The following TEX29 variants were observed in gnomAD, a reference collection of about 807,000 sequenced individuals.
TEX29 encodes testis-expressed protein 29.
A neutral mutation model predicts 18.2 loss-of-function variants in TEX29; 26 were observed. That is an observed-to-expected ratio of 1.43 (90% CI 1.04 to 1.98). The LOEUF (loss-of-function observed/expected upper bound fraction) is 1.98, where lower values mean the gene tolerates loss of function less well. Among genes scored for constraint, TEX29 ranks in the 30% most tolerant of loss-of-function variants. The pLI is 0.00. For missense variants in TEX29, 177 were observed against 194.2 expected, an observed-to-expected ratio of 0.91 and a Z score of 0.53; for synonymous variants, 83 against 78.5, an observed-to-expected ratio of 1.06 and a Z score of -0.31.
intron 2 of TEX29, among the ~76,000 whole-genome samples, chr13:111,326,733 G>T (rs536051499): frequency 6.6e-6 from 1 of 150,816 alleles, no homozygotes; most frequent in Admixed American, 6.6e-5. Context: ...ACTGCGGGCA[G>T]TGCGATCCTG....
upstream of TEX29, among the ~76,000 whole-genome samples, chr13:111,317,743 G>A (rs560947951): frequency 3.9e-4 from 59 of 152,302 alleles, no homozygotes; most frequent in Non-Finnish European, 7.6e-4. Flanking sequence ...GACGTGGGCC[G>A]AGGGTTCTGG....
upstream of TEX29, chr13:111,320,627 C>T: frequency 1.8e-6 from 1 of 557,452 alleles, no homozygotes. Flanking sequence ...TGTGCCCAGC[C>T]TGGTCCCACA....
chr13:111,342,641 A>G (rs2093698389), intron 4 of TEX29, 115 bp from the exon 5 acceptor site: 1 of 905,624 alleles, frequency 1.1e-6, no homozygotes, highest in Admixed American at 2.8e-5. Flanking sequence ...AAAAATAAGT[A>G]TGCATGATCA....
upstream of TEX29, among the ~76,000 whole-genome samples, chr13:111,319,692 A>G (rs1448015506): frequency 1.3e-5 from 2 of 152,116 alleles, no homozygotes; most frequent in African/African-American, 4.8e-5. Context: ...CAGTGGTGCA[A>G]TCACAGCTCA....
chr13:111,339,461 C>T (rs1381243503), intron 3 of TEX29: 1 of 420,740 alleles, frequency 2.4e-6, no homozygotes, highest in Non-Finnish European at 4.7e-6. Context: ...CGCCATCTCT[C>T]AGCACAACCC....
At chr13:111,316,864 GA>G (rs1448222435), upstream of TEX29, among the ~76,000 whole-genome samples, 3 of 152,176 alleles carry the variant, frequency 2.0e-5, no homozygotes, top group Non-Finnish European at 4.4e-5. Flanking sequence ...GAGGCCTCAG[GA>G]AACTTACAAT....
chr13:111,330,305 T>C (rs1008946473), intron 3 of TEX29, among the ~76,000 whole-genome samples: 3 of 152,032 alleles, frequency 2.0e-5, no homozygotes, highest in African/African-American at 2.4e-5. Flanking sequence ...CCAGAGAGGG[T>C]GTCTGTCCTG....
chr13:111,316,957 G>GCT (rs201347791), upstream of TEX29, among the ~76,000 whole-genome samples: 392 of 152,188 alleles, frequency 2.6e-3, 1 homozygote, highest in East Asian at 0.012. Context: ...AAAACCATCA[G>GCT]CTGTATCATG....
At chr13:111,328,144 T>G in intron 2 of TEX29, 39 bp from the exon 3 acceptor site, 1 of 1,410,460 alleles carries the variant, frequency 7.1e-7, no homozygotes, top group African/African-American at 1.4e-5. Flanking sequence ...GTGGCTTTGT[T>G]TTCGGGGGTG....
At chr13:111,331,551 T>C (rs558425261) in intron 3 of TEX29, among the ~76,000 whole-genome samples, 10 of 152,304 alleles carry the variant, frequency 6.6e-5, no homozygotes, top group African/African-American at 2.4e-4. Context: ...CACAAATATT[T>C]TTAATTTTTA....
At chr13:111,343,960 G>A (rs1566323144) in intron 5 of TEX29, 123 bp from the exon 6 acceptor site, 2 of 794,296 alleles carry the variant, frequency 2.5e-6, no homozygotes, top group Non-Finnish European at 4.3e-6. Flanking sequence ...CCCAAAACTG[G>A]CTTTTGAATC....
At position 111,344,144 on chromosome 13, in the gene TEX29, G is replaced by C; in HGVS notation, c.*21G>C. On this transcript the variant is annotated 3_prime_UTR_variant, in exon 6 of 6. Coordinates refer to ENST00000283547, the MANE Select transcript of TEX29 (RefSeq NM_152324.3). The stretch of plus-strand genomic sequence containing the variant: ...ACTGACTGAGACGCATGAAGAAGTG[G>C]AGATTGTCAGAATTATCCAAATGAA... 6.2e-7 allele frequency: 1 copy of C among 1,607,944 alleles called. No individual in the cohort carries two copies. The highest frequency in any genetic ancestry group is 1.1e-5 in the South Asian group (1 of 90,816).
chr13:111,320,650 C>T lies in TEX29; in HGVS notation c.-147C>T, dbSNP rs114043482. The T allele has an allele frequency of 2.2e-3, 1,250 of 581,012 alleles. 9 individuals are homozygous for T. The highest frequency in any genetic ancestry group is 0.019 in the African/African-American group (990 of 53,446). 36.0% of individuals were successfully genotyped at this position (581,012 alleles called of 1,614,324 possible). A position where few individuals can be genotyped will look rare whatever the true frequency, so the allele number is the denominator to read the frequency against. On this transcript the variant is annotated 5_prime_UTR_variant, in exon 1 of 6. Coordinates refer to ENST00000283547, the MANE Select transcript of TEX29 (RefSeq NM_152324.3). ...GCCTGGTCCCACAGTCCATAGTGAGCGGCAGACAGAGGGGTGGCCAGTTTG... is the reference window on the plus strand; with the variant it reads ...GCCTGGTCCCACAGTCCATAGTGAGTGGCAGACAGAGGGGTGGCCAGTTTG...
chr13:111,320,987 G>GGGGGGGGGGGGA, intron 2 of TEX29, 39 bp downstream of exon 2: 5 of 492,110 alleles, frequency 1.0e-5, no homozygotes, highest in Non-Finnish European at 1.9e-5. Flanking sequence ...GTGGGGTGGG[G>GGGGGGGGGGGGA]GAGCAGTTGG....
intron 3 of TEX29, among the ~76,000 whole-genome samples, chr13:111,330,868 A>C (rs2093681572): frequency 6.6e-6 from 1 of 152,174 alleles, no homozygotes; most frequent in Non-Finnish European, 1.5e-5. Context: ...GTGTTGTAGT[A>C]GCTATCAGTA....
At chr13:111,331,026 T>C (rs1479584129) in intron 3 of TEX29, among the ~76,000 whole-genome samples, 2 of 152,264 alleles carry the variant, frequency 1.3e-5, no homozygotes, top group African/African-American at 4.8e-5. Flanking sequence ...ATATAGGTTT[T>C]TGTGCAAACA....
intron 4 of TEX29, among the ~76,000 whole-genome samples, chr13:111,340,155 C>T (rs1003279500): frequency 6.6e-6 from 1 of 151,304 alleles, no homozygotes; most frequent in African/African-American, 2.4e-5. Flanking sequence ...GTTTAGTGAG[C>T]ACCTGTGCTT....
chr13:111,327,559 T>G (rs1396609472), intron 2 of TEX29, among the ~76,000 whole-genome samples: 1 of 152,142 alleles, frequency 6.6e-6, no homozygotes, highest in Non-Finnish European at 1.5e-5. Context: ...AGTCCCTCGG[T>G]GGCCCATGGC....
intron 3 of TEX29, among the ~76,000 whole-genome samples, chr13:111,337,197 C>T (rs762534250): frequency 5.9e-5 from 9 of 152,184 alleles, no homozygotes; most frequent in Non-Finnish European, 1.3e-4. Flanking sequence ...TCAGATCCAT[C>T]CTCTATTGCT....
Sources: gnomAD v4.1 joint callset for allele counts (sites outside exome capture counted in the v4.1 genomes callset) on GRCh38, gnomAD v4.1.1 for gene constraint, MANE v1.5 for transcripts, NCBI Gene and HGNC (gene_info 2026-07-23, HGNC 2026-07-21) for gene names.